TBC1D8B: variants seen among roughly 807,000 people sequenced by gnomAD.
TBC1D8B encodes RP11-321G1.1.
A neutral mutation model predicts 82.9 loss-of-function variants in TBC1D8B; 75 were observed. That is an observed-to-expected ratio of 0.90 (90% CI 0.75 to 1.10). The LOEUF is 1.10. Ranked by LOEUF, TBC1D8B falls within the 50% of genes least tolerant of loss-of-function variation. The pLI, the probability that TBC1D8B is intolerant of heterozygous loss-of-function variation, is 0.00. For synonymous variants in TBC1D8B, 276 were observed against 276.8 expected (o/e 1.00, Z 0.03); for missense variants, 794 against 796.9 (o/e 1.00, Z 0.04).
At chrX:106,847,595 G>A (rs889133641) in intron 10 of TBC1D8B, among the ~76,000 whole-genome samples, 10 of 111,737 alleles carry the variant, frequency 8.9e-5, no homozygotes, top group Admixed American at 4.8e-4. Flanking sequence ...GCAAGTTAGA[G>A]TGGTAGTGGG....
At chrX:106,834,401 G>T (rs1008893452) in intron 7 of TBC1D8B, among the ~76,000 whole-genome samples, 6 of 111,182 alleles carry the variant, frequency 5.4e-5, no homozygotes, top group African/African-American at 1.3e-4. Flanking sequence ...CCCTTGACAC[G>T]TGGGGATTAT....
intron 20 of TBC1D8B, among the ~76,000 whole-genome samples, chrX:106,872,570 G>A (rs1464508583): frequency 9.5e-6 from 1 of 105,628 alleles, no homozygotes; most frequent in South Asian, 4.2e-4. Context: ...TTCCATGGAA[G>A]CAGGTCAAAG....
chrX:106,836,197 A>G (rs897542953), intron 7 of TBC1D8B, among the ~76,000 whole-genome samples: 2 of 112,069 alleles, frequency 1.8e-5, no homozygotes, highest in Non-Finnish European at 3.8e-5. Context: ...ACCTCTTCAC[A>G]GGGTGGAAGG....
chrX:106,839,274 T>C, intron 7 of TBC1D8B, 34 bp from the exon 8 acceptor site: 1 of 1,101,571 alleles, frequency 9.1e-7, no homozygotes, highest in Non-Finnish European at 1.2e-6. Flanking sequence ...AACGTAAGCA[T>C]GCATCTGGGA....
chrX:106,869,619 G>A, intron 19 of TBC1D8B, 78 bp downstream of exon 19: 1 of 817,773 alleles, frequency 1.2e-6, no homozygotes, highest in South Asian at 3.1e-5. Context: ...AGGGGGAAAA[G>A]GTGGATTCCT....
intron 10 of TBC1D8B, among the ~76,000 whole-genome samples, chrX:106,847,844 T>C (rs1487834204): frequency 8.9e-6 from 1 of 111,918 alleles, no homozygotes; most frequent in Non-Finnish European, 1.9e-5. Context: ...TCTTTCGTTT[T>C]AGTATGTCTT....
chrX:106,850,629 ATAGTTGATAATGT>A (rs768309715), intron 12 of TBC1D8B, among the ~76,000 whole-genome samples: 1 of 111,984 alleles, frequency 8.9e-6, no homozygotes, highest in East Asian at 2.8e-4. Context: ...CAGGAAAAGC[ATAGTTGATAATGT>A]TAAATATCCA....
At chrX:106,865,077 A>G (rs1340994720) in intron 14 of TBC1D8B, among the ~76,000 whole-genome samples, 2 of 110,928 alleles carry the variant, frequency 1.8e-5, no homozygotes, top group Non-Finnish European at 3.8e-5. Context: ...CTTCTTCTTC[A>G]TGGAATAGGA....
chrX:106,866,265 A>G (rs746779884), intron 16 of TBC1D8B, among the ~76,000 whole-genome samples: 10 of 111,625 alleles, frequency 9.0e-5, no homozygotes, highest in Non-Finnish European at 1.7e-4. Context: ...GGTTAACATA[A>G]GGAAGATAAC....
chrX:106,854,142 A>G, intron 13 of TBC1D8B, 56 bp from the exon 14 acceptor site: 1 of 838,837 alleles, frequency 1.2e-6, no homozygotes, highest in Non-Finnish European at 1.6e-6. Flanking sequence ...GAATTGTAAA[A>G]GAAAAAGTGG....
intron 7 of TBC1D8B, among the ~76,000 whole-genome samples, chrX:106,835,280 C>G (rs1215719995): frequency 1.8e-5 from 2 of 112,876 alleles, no homozygotes; most frequent in African/African-American, 6.4e-5. Context: ...CTTGCACCCT[C>G]TGAAGCAATG....
intron 1 of TBC1D8B, among the ~76,000 whole-genome samples, chrX:106,805,072 C>CTTTTTTT (rs11432144): frequency 0.02 from 1,084 of 54,425 alleles, 5 homozygotes; most frequent in Non-Finnish European, 0.023. Context: ...TGCAAGTTTC[C>CTTTTTTT]TTTTTTTTTT....
intron 14 of TBC1D8B, among the ~76,000 whole-genome samples, chrX:106,860,593 T>C (rs1932764792): frequency 9.0e-6 from 1 of 110,741 alleles, no homozygotes; most frequent in Non-Finnish European, 1.9e-5. Flanking sequence ...TCATTTCTGA[T>C]TGTGTCTATT....
intron 16 of TBC1D8B, 31 bp downstream of exon 16, chrX:106,866,064 G>T: frequency 8.6e-7 from 1 of 1,159,803 alleles, no homozygotes; most frequent in Non-Finnish European, 1.2e-6. Flanking sequence ...AAAAAAAAAA[G>T]GTGCTCCTAG....
chrX:106,844,476 C>CAT (rs779296924), intron 10 of TBC1D8B, among the ~76,000 whole-genome samples: 198 of 100,564 alleles, frequency 2.0e-3, no homozygotes, highest in South Asian at 3.9e-3. Context: ...TTATTTTTTC[C>CAT]ATATATATAT....
chrX:106,822,078 A>G lies in TBC1D8B; in HGVS notation c.462A>G (p.Pro154=), dbSNP rs759505909. ...AATTTGAAAAATGTTTTGGTTTACC[A>G]GAGAAGGAGAAGTTAGTGACCTATT... ...LLKFEKCFGL[P]EKEKLVTYYS... Residue 154 remains proline (P), a synonymous_variant, in exon 4 of 21, where the codon CCA becomes CCG. Coordinates refer to ENST00000357242, the MANE Select transcript of TBC1D8B (RefSeq NM_017752.3). The G allele has an allele frequency of 5.0e-6, 6 of 1,210,584 alleles. No individual in the cohort carries two copies. In the East Asian group the frequency reaches 8.9e-5, roughly 18 times the overall value.
intron 7 of TBC1D8B, among the ~76,000 whole-genome samples, chrX:106,830,508 C>T (rs181705529): frequency 6.4e-4 from 71 of 110,751 alleles, no homozygotes; most frequent in African/African-American, 2.1e-3. Context: ...ATGTTTACTG[C>T]GGCATTATTC....
chrX:106,821,946 G>A (rs973235019), intron 3 of TBC1D8B, 31 bp from the exon 4 acceptor site: 5 of 1,141,415 alleles, frequency 4.4e-6, no homozygotes, highest in Non-Finnish European at 6.0e-6. Context: ...GGTAGGTGAT[G>A]AATTTTCAGA....
chrX:106,833,113 C>T (rs1338359084), intron 7 of TBC1D8B, among the ~76,000 whole-genome samples: 1 of 111,071 alleles, frequency 9.0e-6, no homozygotes, highest in Non-Finnish European at 1.9e-5. Context: ...GGCCCCCAAA[C>T]CACCATTTAT....
Sources: gnomAD v4.1 joint callset for allele counts (sites outside exome capture counted in the v4.1 genomes callset) on GRCh38, gnomAD v4.1.1 for gene constraint, MANE v1.5 for transcripts, NCBI Gene and HGNC (gene_info 2026-07-23, HGNC 2026-07-21) for gene names.